Variants in LRRTM4 observed in about 807,000 individuals in gnomAD.
LRRTM4 encodes the protein leucine-rich repeat transmembrane neuronal protein 4.
In LRRTM4, 25 loss-of-function variants were observed where a neutral mutation model predicts 47.6. That is an observed-to-expected ratio of 0.53 (90% CI 0.38 to 0.73). LRRTM4 has a LOEUF of 0.73. LRRTM4 is among the 30% of genes least tolerant of loss of function. The pLI is 0.00. For synonymous variants in LRRTM4, 311 were observed against 269.5 expected (o/e 1.15, Z -1.51); for missense variants, 638 against 713.4 (o/e 0.89, Z 1.20).
chr2:76,972,049 T>C (rs976173444), intron 3 of LRRTM4, among the ~76,000 whole-genome samples: 2 of 152,046 alleles, frequency 1.3e-5, no homozygotes, highest in Non-Finnish European at 2.9e-5. Context: ...ATTTAAAATA[T>C]AGTACTAGAA....
intron 3 of LRRTM4, among the ~76,000 whole-genome samples, chr2:77,178,207 C>T (rs967009548): frequency 2.6e-5 from 4 of 152,044 alleles, no homozygotes; most frequent in Non-Finnish European, 4.4e-5. Context: ...TAAAAACTAC[C>T]TGGAATTATT....
intron 3 of LRRTM4, among the ~76,000 whole-genome samples, chr2:77,187,739 T>G (rs1673551107): frequency 6.6e-6 from 1 of 152,110 alleles, no homozygotes; most frequent in Non-Finnish European, 1.5e-5. Context: ...AAAGCAGTGG[T>G]GATTTTAGCC....
At chr2:77,428,471 C>G (rs1214791529) in intron 3 of LRRTM4, among the ~76,000 whole-genome samples, 1 of 152,194 alleles carries the variant, frequency 6.6e-6, no homozygotes, top group East Asian at 1.9e-4. Flanking sequence ...AAACTTTCAT[C>G]AGGAGACTGG....
chr2:77,498,519 A>G (rs1678448732), intron 3 of LRRTM4, among the ~76,000 whole-genome samples: 1 of 151,774 alleles, frequency 6.6e-6, no homozygotes, highest in Non-Finnish European at 1.5e-5. Flanking sequence ...TTCCCTTCCC[A>G]TACACATAAT....
At chr2:77,068,706 A>G (rs1680044245) in intron 3 of LRRTM4, among the ~76,000 whole-genome samples, 1 of 152,236 alleles carries the variant, frequency 6.6e-6, no homozygotes, top group South Asian at 2.1e-4. Flanking sequence ...GAAAGCTGTT[A>G]TTCAGTTGAT....
At chr2:76,832,454 CTTTTTTTTT>C (rs541805872) in intron 3 of LRRTM4, among the ~76,000 whole-genome samples, 3 of 94,032 alleles carry the variant, frequency 3.2e-5, no homozygotes, top group Middle Eastern at 7.6e-3. Flanking sequence ...CCTCGAAGGG[CTTTTTTTTT>C]TTTTTTTTTT....
At chr2:76,970,255 T>C (rs540680528) in intron 3 of LRRTM4, among the ~76,000 whole-genome samples, 1 of 152,110 alleles carries the variant, frequency 6.6e-6, no homozygotes, top group African/African-American at 2.4e-5. Context: ...GCCCAATATA[T>C]ACATATAACG....
intron 3 of LRRTM4, among the ~76,000 whole-genome samples, chr2:77,337,385 C>T (rs1359116458): frequency 6.6e-6 from 1 of 151,990 alleles, no homozygotes; most frequent in Admixed American, 6.6e-5. Context: ...TTCTACAATT[C>T]ACATGGATTC....
intron 3 of LRRTM4, among the ~76,000 whole-genome samples, chr2:76,796,411 G>A (rs1163372429): frequency 1.5e-5 from 2 of 131,922 alleles, no homozygotes; most frequent in African/African-American, 5.9e-5. Flanking sequence ...AGACTTAAAT[G>A]TCCCTGTCTG....
In LRRTM4 at chr2:77,417,903, A is replaced by G. The variant is rs537451170; in HGVS notation, c.1551+100415T>C. Among the ~76,000 whole-genome samples the G allele has an allele frequency of 3.9e-5, 6 of 152,244 alleles. No homozygotes were observed. In the South Asian group the frequency reaches 1.2e-3, roughly 32 times the overall value. Reference sequence around the variant, plus strand: ...TTGTGCACATGTACCCTAAAACTTAAAGTATAATAAAAAAAGAAAAATATA... The same window carrying G: ...TTGTGCACATGTACCCTAAAACTTAGAGTATAATAAAAAAAGAAAAATATA... On this transcript the variant is annotated intron_variant, in intron 3 of 3. Transcript: ENST00000409884.
intron 3 of LRRTM4, among the ~76,000 whole-genome samples, chr2:77,048,844 T>C (rs1679319801): frequency 6.6e-6 from 1 of 151,566 alleles, no homozygotes; most frequent in South Asian, 2.1e-4. Context: ...CCTATAGTGC[T>C]ATAGAACACT....
At chr2:76,880,447 C>A (rs1181308624) in intron 3 of LRRTM4, among the ~76,000 whole-genome samples, 1 of 151,978 alleles carries the variant, frequency 6.6e-6, no homozygotes, top group South Asian at 2.1e-4. Flanking sequence ...GATATTTTCA[C>A]CTTTTTAGAC....
chr2:76,824,673 TAAGC>T (rs1005684938), intron 3 of LRRTM4, among the ~76,000 whole-genome samples: 6 of 149,332 alleles, frequency 4.0e-5, no homozygotes, highest in Non-Finnish European at 8.9e-5. Flanking sequence ...ATTTGCATAA[TAAGC>T]AACCAGTTAA....
At chr2:76,988,100 C>A (rs1235306173) in intron 3 of LRRTM4, among the ~76,000 whole-genome samples, 3 of 151,770 alleles carry the variant, frequency 2.0e-5, no homozygotes, top group Non-Finnish European at 4.4e-5. Flanking sequence ...CTTCTATCAA[C>A]TTTCATCTGC....
Position 77,155,620 on chromosome 2 carries a change from G to A in LRRTM4, c.1551+362698C>T, listed in dbSNP as rs1278925455. Among the ~76,000 whole-genome samples the A allele has an allele frequency of 2.6e-5, 4 of 151,998 alleles. No homozygotes were observed. The South Asian group carries it at 8.3e-4, about 32-fold the overall frequency. ...ATACATAACTAATCAGGAGCAGGGT[G>A]TGGGGGAGAAAGACCTTCCTAGCAG... On this transcript the variant is annotated intron_variant, in intron 3 of 3. Transcript: ENST00000409884.
intron 3 of LRRTM4, among the ~76,000 whole-genome samples, chr2:76,970,043 T>G (rs951384515): frequency 2.0e-5 from 3 of 151,942 alleles, no homozygotes; most frequent in Non-Finnish European, 4.4e-5. Flanking sequence ...GAAGATGAAA[T>G]TGAAACCCAC....
At chr2:77,107,130 C>A (rs1196270056) in intron 3 of LRRTM4, among the ~76,000 whole-genome samples, 5 of 151,912 alleles carry the variant, frequency 3.3e-5, no homozygotes, top group Non-Finnish European at 7.4e-5. Flanking sequence ...TAATATTTCA[C>A]TAACAATTGG....
rs573493977 is a variant in LRRTM4, at chr2:77,165,805, T to A, written c.1551+352513A>T. 1.6e-4 allele frequency among the ~76,000 whole-genome samples: 25 copies of A among 152,256 alleles called. No individual in the cohort carries two copies. In the South Asian group the frequency reaches 4.6e-3, roughly 28 times the overall value. ...CAATAAATTAGGTATTGATGGGACG[T>A]TATCTCAAAATAATAAGAGCTATTT... On this transcript the variant is annotated intron_variant, in intron 3 of 3. Coordinates refer to ENST00000409884, the MANE Select transcript of LRRTM4 (RefSeq NM_001134745.3).
chr2:77,345,838 G>A (rs1042846865), intron 3 of LRRTM4, among the ~76,000 whole-genome samples: 5 of 148,702 alleles, frequency 3.4e-5, no homozygotes, highest in Non-Finnish European at 6.0e-5. Context: ...ATATGTGTGT[G>A]TATATATATA....
Sources: allele counts gnomAD v4.1 joint callset (sites outside exome capture counted in the v4.1 genomes callset), GRCh38; gene constraint gnomAD v4.1.1; transcripts MANE v1.5; gene names NCBI Gene and HGNC (gene_info 2026-07-23, HGNC 2026-07-21).